The following NXPE2 variants were observed in gnomAD, a reference collection of about 807,000 sequenced individuals.
NXPE2 encodes the protein neurexophilin and PC-esterase domain family member 2.
A neutral mutation model predicts 34.4 loss-of-function variants in NXPE2; 34 were observed. That is an observed-to-expected ratio of 0.99 (90% CI 0.75 to 1.31). The LOEUF (loss-of-function observed/expected upper bound fraction) is 1.31. Among genes scored for constraint, NXPE2 ranks in the 40% most tolerant of loss-of-function variants. The probability of loss-of-function intolerance (pLI) is 0.00; values close to 1 mark genes in which losing one functional copy is unlikely to be tolerated. For missense variants in NXPE2, 649 were observed against 672.5 expected, an observed-to-expected ratio of 0.97 and a Z score of 0.39; for synonymous variants, 235 against 231.3, an observed-to-expected ratio of 1.02 and a Z score of -0.15.
the NXPE2 span, among the ~76,000 whole-genome samples, chr11:114,510,311 G>T: frequency 1.3e-5 from 2 of 152,140 alleles, no homozygotes; most frequent in Non-Finnish European, 2.9e-5. Flanking sequence ...ATAGCTCACT[G>T]CAGCCTCGAA....
chr11:114,741,277 T>A, the NXPE2 span, among the ~76,000 whole-genome samples: 1 of 152,242 alleles, frequency 6.6e-6, no homozygotes, highest in Non-Finnish European at 1.5e-5. Context: ...TTTGACAGTT[T>A]GATTACAATG....
At chr11:114,513,042 C>A in the NXPE2 span, 14 of 445,888 alleles carry the variant, frequency 3.1e-5, no homozygotes, top group South Asian at 9.3e-5. Context: ...TCTGACCCCC[C>A]CCAGAACAAA....
chr11:114,602,814 C>G, the NXPE2 span, among the ~76,000 whole-genome samples: 1 of 138,822 alleles, frequency 7.2e-6, no homozygotes, highest in Non-Finnish European at 1.5e-5. Context: ...ATTACAGAAT[C>G]ATATATAATA....
chr11:114,652,420 A>G, the NXPE2 span, among the ~76,000 whole-genome samples: 2 of 152,196 alleles, frequency 1.3e-5, no homozygotes, highest in African/African-American at 4.8e-5. Flanking sequence ...CCAGAGTGAG[A>G]TTCCAACACT....
At chr11:114,609,127 A>T in the NXPE2 span, among the ~76,000 whole-genome samples, 1 of 151,882 alleles carries the variant, frequency 6.6e-6, no homozygotes, top group Non-Finnish European at 1.5e-5. Flanking sequence ...TACCCGGTGG[A>T]TAATAAGTAT....
the NXPE2 span, among the ~76,000 whole-genome samples, chr11:114,790,366 A>C: frequency 1.3e-5 from 2 of 152,184 alleles, no homozygotes; most frequent in Non-Finnish European, 2.9e-5. Flanking sequence ...GAAGACGCAC[A>C]CTATACTCAT....
upstream of NXPE2, among the ~76,000 whole-genome samples, chr11:114,677,823 G>A (rs573542251): frequency 1.3e-5 from 2 of 152,028 alleles, no homozygotes; most frequent in African/African-American, 2.4e-5. Context: ...CTCATGCAGA[G>A]CAATGCATAC....
At chr11:114,801,272 G>A in the NXPE2 span, among the ~76,000 whole-genome samples, 1 of 152,146 alleles carries the variant, frequency 6.6e-6, no homozygotes, top group Non-Finnish European at 1.5e-5. Context: ...CTTAGATTTA[G>A]GGGAGAGAGA....
At chr11:114,658,503 G>C in the NXPE2 span, among the ~76,000 whole-genome samples, 3 of 152,280 alleles carry the variant, frequency 2.0e-5, no homozygotes, top group African/African-American at 7.2e-5. Flanking sequence ...CAGGCCTGGA[G>C]GGGGAGGGTA....
chr11:114,551,331 T>A, the NXPE2 span: 1 of 1,385,110 alleles, frequency 7.2e-7, no homozygotes, highest in Non-Finnish European at 9.5e-7. Context: ...TGAGTCACTG[T>A]CTTCTTTCCC....
chr11:114,802,200 AACAACACTCAGGGTCT>A, the NXPE2 span, among the ~76,000 whole-genome samples: 3 of 152,188 alleles, frequency 2.0e-5, no homozygotes, highest in Non-Finnish European at 4.4e-5. Context: ...CCTCAGGGAC[AACAACACTCAGGGTCT>A]ACAGTGCCAT....
At chr11:114,560,902 C>T in the NXPE2 span, among the ~76,000 whole-genome samples, 2 of 152,156 alleles carry the variant, frequency 1.3e-5, no homozygotes, top group Non-Finnish European at 2.9e-5. Flanking sequence ...ATTGGCTTTT[C>T]TCTTAGCGAT....
At chr11:114,523,050 G>A in the NXPE2 span, 1 of 1,613,648 alleles carries the variant, frequency 6.2e-7, no homozygotes, top group Non-Finnish European at 8.5e-7. Flanking sequence ...GGGACAGGAG[G>A]CTTCATTCCA....
At chr11:114,725,524 T>A in the NXPE2 span, among the ~76,000 whole-genome samples, 1 of 151,992 alleles carries the variant, frequency 6.6e-6, no homozygotes, top group Non-Finnish European at 1.5e-5. Flanking sequence ...GAGTGTTTTT[T>A]TTTAACTAGA....
At chr11:114,727,589 T>G in the NXPE2 span, among the ~76,000 whole-genome samples, 2,309 of 152,122 alleles carry the variant, frequency 0.015, 58 homozygotes, top group African/African-American at 0.053. Flanking sequence ...TGACACAACT[T>G]ATAATACACA....
At chr11:114,582,552 G>A in the NXPE2 span, 2 of 1,614,186 alleles carry the variant, frequency 1.2e-6, no homozygotes, top group South Asian at 2.2e-5. Context: ...CCAGAGAGCT[G>A]ACACCCCTTC....
chr11:114,776,193 G>A, the NXPE2 span, among the ~76,000 whole-genome samples: 122 of 152,242 alleles, frequency 8.0e-4, no homozygotes, highest in Non-Finnish European at 1.5e-3. Flanking sequence ...TATGGGGAGT[G>A]CTGCATCCTC....
the NXPE2 span, among the ~76,000 whole-genome samples, chr11:114,804,970 G>T: frequency 2.1e-3 from 323 of 152,144 alleles, 5 homozygotes; most frequent in Admixed American, 0.019. Flanking sequence ...GAAACTCCCA[G>T]GGGATGTTTT....
the NXPE2 span, among the ~76,000 whole-genome samples, chr11:114,786,195 C>G: frequency 6.6e-6 from 1 of 152,158 alleles, no homozygotes; most frequent in Non-Finnish European, 1.5e-5. Context: ...TGCTGATCCC[C>G]GCAGCAGCAG....
Sources: allele counts gnomAD v4.1 joint callset (sites outside exome capture counted in the v4.1 genomes callset), GRCh38; gene constraint gnomAD v4.1.1; transcripts MANE v1.5; gene names NCBI Gene and HGNC (gene_info 2026-07-23, HGNC 2026-07-21).